RAD51B: variants seen among roughly 807,000 people sequenced by gnomAD.
The protein encoded by RAD51B is RAD51 paralog B, also known as DNA repair protein RAD51 homolog 2.
A neutral mutation model predicts 42.2 loss-of-function variants in RAD51B; 38 were observed. The observed-to-expected ratio is 0.90, with a 90% CI of 0.70 to 1.18. RAD51B has a LOEUF of 1.18. RAD51B is among the 50% of genes most tolerant of loss of function. RAD51B has a pLI of 0.00. For synonymous variants in RAD51B, 154 were observed against 145.2 expected, an observed-to-expected ratio of 1.06 and a Z score of -0.43; for missense variants, 373 against 400.7, an observed-to-expected ratio of 0.93 and a Z score of 0.59.
At chr14:68,624,341 C>T (rs1348119976) in intron 10 of RAD51B, among the ~76,000 whole-genome samples, 1 of 152,146 alleles carries the variant, frequency 6.6e-6, no homozygotes, top group Admixed American at 6.5e-5. Context: ...GCATGATATC[C>T]TTTGTTATCT....
chr14:67,838,918 A>G (rs1022596819), intron 4 of RAD51B, among the ~76,000 whole-genome samples: 2 of 152,018 alleles, frequency 1.3e-5, no homozygotes, highest in Non-Finnish European at 1.5e-5. Flanking sequence ...TTTATCAAAA[A>G]CTTTTTTTTC....
chr14:68,514,205 A>G (rs1385881357), intron 10 of RAD51B, among the ~76,000 whole-genome samples: 1 of 152,142 alleles, frequency 6.6e-6, no homozygotes, highest in Non-Finnish European at 1.5e-5. Flanking sequence ...GCATAACATG[A>G]TCCTTTTTTT....
intron 9 of RAD51B, among the ~76,000 whole-genome samples, chr14:68,422,726 C>T (rs968962095): frequency 6.6e-6 from 1 of 152,138 alleles, no homozygotes; most frequent in African/African-American, 2.4e-5. Flanking sequence ...TACACATTAT[C>T]TGATGGGTGA....
chr14:67,916,383 A>G (rs960481786), intron 7 of RAD51B, among the ~76,000 whole-genome samples: 3 of 152,098 alleles, frequency 2.0e-5, no homozygotes, highest in Non-Finnish European at 4.4e-5. Flanking sequence ...CTGGGACTAC[A>G]GGTGCATGCC....
intron 8 of RAD51B, among the ~76,000 whole-genome samples, chr14:68,294,749 T>A (rs2081581695): frequency 6.6e-6 from 1 of 152,226 alleles, no homozygotes; most frequent in Non-Finnish European, 1.5e-5. Flanking sequence ...GTTGCTGATG[T>A]TGCCCTAGAT....
intron 7 of RAD51B, among the ~76,000 whole-genome samples, chr14:68,150,561 T>C (rs892557879): frequency 1.3e-5 from 2 of 152,260 alleles, no homozygotes; most frequent in African/African-American, 4.8e-5. Flanking sequence ...AGTATTTCCC[T>C]TTTGTTGATG....
intron 10 of RAD51B, among the ~76,000 whole-genome samples, chr14:68,525,974 C>T (rs1325534150): frequency 6.6e-6 from 1 of 152,218 alleles, no homozygotes; most frequent in East Asian, 1.9e-4. Flanking sequence ...AACTCCTGAG[C>T]TGGGTTAAGA....
chr14:68,440,711 A>G (rs946652452), intron 9 of RAD51B, among the ~76,000 whole-genome samples: 3 of 152,042 alleles, frequency 2.0e-5, no homozygotes, highest in African/African-American at 7.3e-5. Flanking sequence ...GTGCCATTGC[A>G]TTCCAGCCTG....
At chr14:67,838,198 C>T (rs2041310261) in intron 4 of RAD51B, among the ~76,000 whole-genome samples, 1 of 152,166 alleles carries the variant, frequency 6.6e-6, no homozygotes, top group African/African-American at 2.4e-5. Flanking sequence ...TGCTGATGGA[C>T]ACTTAGGTTG....
intron 7 of RAD51B, among the ~76,000 whole-genome samples, chr14:68,241,150 G>A (rs2080375128): frequency 6.6e-6 from 1 of 152,230 alleles, no homozygotes; most frequent in African/African-American, 2.4e-5. Context: ...CCTATTGGAA[G>A]CTGCTATACG....
At chr14:68,661,463 G>A (rs548936574) in intron 11 of RAD51B, among the ~76,000 whole-genome samples, 1 of 152,216 alleles carries the variant, frequency 6.6e-6, no homozygotes, top group African/African-American at 2.4e-5. Flanking sequence ...GTGGCCCGGG[G>A]GAAATTCAAT....
intron 4 of RAD51B, among the ~76,000 whole-genome samples, chr14:67,839,567 C>T (rs1333376637): frequency 6.6e-6 from 1 of 151,782 alleles, no homozygotes; most frequent in African/African-American, 2.4e-5. Flanking sequence ...TTCTCCCTCT[C>T]TTTTAAAAAA....
At chr14:67,848,177 C>A (rs1193580230) in intron 4 of RAD51B, among the ~76,000 whole-genome samples, 2 of 152,126 alleles carry the variant, frequency 1.3e-5, no homozygotes, top group Non-Finnish European at 2.9e-5. Context: ...GCCACCACAA[C>A]CCAACTAATT....
chr14:68,089,679 C>G lies in RAD51B; in HGVS notation c.757-202205C>G, dbSNP rs115625542. 3.0e-3 allele frequency among the ~76,000 whole-genome samples: 457 copies of G among 152,318 alleles called. 2 individuals are homozygous for G. Among genetic ancestry groups the G allele is most frequent in the African/African-American group, 9.5e-3 (394 of 41,584 alleles). ...TTTTGCACATGCCCTCCCACCATCC[C>G]CTTTCCCCCTTCCTCTAAATGTGGT... On this transcript the variant is annotated intron_variant, in intron 7 of 10. Coordinates refer to ENST00000471583, the MANE Select transcript of RAD51B (RefSeq NM_133510.4).
chr14:67,959,461 A>G (rs1016413914), intron 7 of RAD51B, among the ~76,000 whole-genome samples: 1 of 152,044 alleles, frequency 6.6e-6, no homozygotes, highest in African/African-American at 2.4e-5. Flanking sequence ...GTTAGCCAGG[A>G]TGGTCTCGAT....
intron 7 of RAD51B, among the ~76,000 whole-genome samples, chr14:67,897,680 G>T (rs778270414): frequency 6.7e-6 from 1 of 148,790 alleles, no homozygotes; most frequent in East Asian, 2.0e-4. Flanking sequence ...ATGGAGTTTC[G>T]CTCTTGCTAC....
intron 10 of RAD51B, among the ~76,000 whole-genome samples, chr14:68,498,281 A>G (rs1340978073): frequency 6.6e-6 from 1 of 152,234 alleles, no homozygotes; most frequent in Non-Finnish European, 1.5e-5. Context: ...AAGGAGAGAA[A>G]GTGGACCCTC....
At chr14:67,985,884 T>G (rs1330307167) in intron 7 of RAD51B, among the ~76,000 whole-genome samples, 1 of 152,160 alleles carries the variant, frequency 6.6e-6, no homozygotes, top group African/African-American at 2.4e-5. Flanking sequence ...CACTCCAGCC[T>G]GGGCAGTAGA....
chr14:68,605,813 T>C (rs543463530), intron 10 of RAD51B, among the ~76,000 whole-genome samples: 2 of 152,320 alleles, frequency 1.3e-5, no homozygotes, highest in African/African-American at 4.8e-5. Flanking sequence ...AAGTTTCGTC[T>C]TGCTCTCCAC....
Sources: allele counts gnomAD v4.1 joint callset (sites outside exome capture counted in the v4.1 genomes callset), GRCh38; gene constraint gnomAD v4.1.1; transcripts MANE v1.5; gene names NCBI Gene and HGNC (gene_info 2026-07-23, HGNC 2026-07-21).